The following CHRDL1 variants were observed in gnomAD, a reference collection of about 807,000 sequenced individuals.
The protein encoded by CHRDL1 is chordin-like protein 1.
CHRDL1 carries 19 observed loss-of-function variants against 40.9 expected under a neutral mutation model. The ratio of observed to expected loss-of-function variants is 0.46; its 90% confidence interval spans 0.32 to 0.68. CHRDL1 has a LOEUF of 0.68. Among genes scored for constraint, CHRDL1 ranks in the 30% least tolerant of loss-of-function variants. The probability of loss-of-function intolerance (pLI) is 0.03; values close to 1 mark genes in which losing one functional copy is unlikely to be tolerated. For missense variants in CHRDL1, 329 were observed against 352.1 expected (o/e 0.93, Z 0.53); for synonymous variants, 136 against 123.4 (o/e 1.10, Z -0.68).
intron 2 of CHRDL1, among the ~76,000 whole-genome samples, chrX:110,778,022 C>T (rs749589426): frequency 2.7e-5 from 3 of 110,850 alleles, no homozygotes; most frequent in Non-Finnish European, 3.8e-5. Flanking sequence ...CTATTCAATA[C>T]GTAGTGTTAG....
At chrX:110,724,519 G>T (rs1169104899) in intron 4 of CHRDL1, among the ~76,000 whole-genome samples, 4 of 108,978 alleles carry the variant, frequency 3.7e-5, no homozygotes, top group Non-Finnish European at 5.7e-5. Flanking sequence ...TTTCATTCTT[G>T]CAACACCCTT....
intron 9 of CHRDL1, among the ~76,000 whole-genome samples, chrX:110,685,114 GA>G (rs1179033934): frequency 8.9e-6 from 1 of 112,063 alleles, no homozygotes; most frequent in Non-Finnish European, 1.9e-5. Flanking sequence ...ATTTACTATA[GA>G]AAATTTGGAA....
chrX:110,739,044 T>C (rs1364139696), intron 4 of CHRDL1, among the ~76,000 whole-genome samples: 1 of 111,974 alleles, frequency 8.9e-6, no homozygotes, highest in Non-Finnish European at 1.9e-5. Context: ...CTTACATATC[T>C]GTCCAGAGGC....
chrX:110,694,603 G>A (rs1271187242), intron 7 of CHRDL1, among the ~76,000 whole-genome samples: 1 of 111,894 alleles, frequency 8.9e-6, no homozygotes, highest in Admixed American at 9.5e-5. Flanking sequence ...ACTTCTCAGG[G>A]AGAAAAGAGC....
At chrX:110,763,789 C>T (rs1207332301) in intron 2 of CHRDL1, among the ~76,000 whole-genome samples, 1 of 111,591 alleles carries the variant, frequency 9.0e-6, no homozygotes, top group Non-Finnish European at 1.9e-5. Context: ...GGTAGTTCTA[C>T]TTTTAATTAT....
At chrX:110,696,961 G>A (rs1330033180) in intron 7 of CHRDL1, among the ~76,000 whole-genome samples, 1 of 110,833 alleles carries the variant, frequency 9.0e-6, no homozygotes, top group Non-Finnish European at 1.9e-5. Context: ...AGAGACTTAT[G>A]AGGGGCCATT....
At chrX:110,752,588 A>G (rs748295844) in intron 4 of CHRDL1, among the ~76,000 whole-genome samples, 1 of 111,052 alleles carries the variant, frequency 9.0e-6, no homozygotes, top group Non-Finnish European at 1.9e-5. Context: ...AAAGCAAAAT[A>G]TCTGCTATTC....
intron 6 of CHRDL1, among the ~76,000 whole-genome samples, chrX:110,705,964 T>A (rs2070630051): frequency 9.0e-6 from 1 of 110,735 alleles, no homozygotes; most frequent in African/African-American, 3.3e-5. Flanking sequence ...TGCTAAACGT[T>A]TTAACATTTG....
At chrX:110,730,999 T>G (rs1314611027) in intron 4 of CHRDL1, among the ~76,000 whole-genome samples, 2 of 111,635 alleles carry the variant, frequency 1.8e-5, no homozygotes, top group Non-Finnish European at 3.8e-5. Flanking sequence ...ACTTGATTAC[T>G]TCTGCACTTG....
At chrX:110,686,044 G>A (rs977103350) in intron 9 of CHRDL1, among the ~76,000 whole-genome samples, 12 of 109,378 alleles carry the variant, frequency 1.1e-4, no homozygotes, top group African/African-American at 4.0e-4. Context: ...GGAGGTACGT[G>A]CCACCATACC....
intron 6 of CHRDL1, among the ~76,000 whole-genome samples, chrX:110,703,585 C>T (rs991333800): frequency 3.6e-5 from 4 of 111,665 alleles, no homozygotes; most frequent in Non-Finnish European, 7.5e-5. Context: ...GGCTCTTGCC[C>T]TCAGGATATT....
chrX:110,773,140 C>G (rs752485821), intron 2 of CHRDL1, among the ~76,000 whole-genome samples: 1 of 111,996 alleles, frequency 8.9e-6, no homozygotes, highest in Non-Finnish European at 1.9e-5. Flanking sequence ...ATTTACTCTT[C>G]TTTTTCTAGC....
chrX:110,723,983 T>C (rs982068533), intron 4 of CHRDL1, among the ~76,000 whole-genome samples: 2 of 112,456 alleles, frequency 1.8e-5, no homozygotes, highest in African/African-American at 6.5e-5. Flanking sequence ...GCCCTGCCCC[T>C]GCCCACAAGC....
intron 1 of CHRDL1, among the ~76,000 whole-genome samples, chrX:110,792,840 C>T (rs745975079): frequency 8.9e-6 from 1 of 112,261 alleles, no homozygotes; most frequent in Non-Finnish European, 1.9e-5. Flanking sequence ...ATTCCTCCCC[C>T]AAGAAGTCCA....
chrX:110,770,041 C>A (rs1005568971), intron 2 of CHRDL1, among the ~76,000 whole-genome samples: 7 of 112,237 alleles, frequency 6.2e-5, no homozygotes, highest in African/African-American at 1.9e-4. Context: ...ATTTTTCAAA[C>A]CTTTCTTTAC....
At position 110,676,041 on chromosome X, in the gene CHRDL1, T is replaced by C. The variant is rs2069770078; in HGVS notation, c.*190A>G. The C allele has an allele frequency of 5.4e-6, 2 of 372,083 alleles. No homozygotes were observed. The highest frequency in any genetic ancestry group is 9.3e-6 in the Non-Finnish European group (2 of 215,645). 30.7% of individuals were successfully genotyped at this position (372,083 alleles called of 1,213,427 possible). On this transcript the variant is annotated 3_prime_UTR_variant, in exon 12 of 12. Coordinates refer to ENST00000372042, the MANE Select transcript of CHRDL1 (RefSeq NM_001143981.2). ...ATAATTTAAGACTCTTCTAGTCTCT[T>C]TGGAGGAGATGTTCAAGGGCTGACA... is the stretch of plus-strand genomic sequence containing the variant.
At chrX:110,752,756 TA>T (rs961763700) in intron 4 of CHRDL1, among the ~76,000 whole-genome samples, 6 of 111,094 alleles carry the variant, frequency 5.4e-5, no homozygotes, top group Admixed American at 9.6e-5. Flanking sequence ...GTAGTCACCT[TA>T]CTAGGGAAAA....
At chrX:110,756,615 G>A (rs1039239227) in intron 4 of CHRDL1, among the ~76,000 whole-genome samples, 4 of 111,354 alleles carry the variant, frequency 3.6e-5, no homozygotes, top group Non-Finnish European at 7.5e-5. Context: ...ATTAATATAT[G>A]ACCTGGTTTA....
rs1176810637 is a variant in CHRDL1 at position 110,674,657 on chromosome X, T to C, written c.*1574A>G. On this transcript the variant is annotated 3_prime_UTR_variant, in exon 12 of 12. Transcript: ENST00000372042. ...TAAGAATTGACTCCTTTATGCCAGGTTGTCATAAAGACTGAACATTTTACA... is the reference window on the plus strand; with the variant it reads ...TAAGAATTGACTCCTTTATGCCAGGCTGTCATAAAGACTGAACATTTTACA... The C allele has an allele frequency of 8.9e-6, 1 of 112,367 alleles. No individual in the cohort carries two copies. The highest frequency in any genetic ancestry group is 1.9e-5 in the Non-Finnish European group (1 of 53,263). 9.3% of individuals were successfully genotyped at this position (112,367 alleles called of 1,213,427 possible).
Sources: gnomAD v4.1 joint callset for allele counts (sites outside exome capture counted in the v4.1 genomes callset) on GRCh38, gnomAD v4.1.1 for gene constraint, MANE v1.5 for transcripts, NCBI Gene and HGNC (gene_info 2026-07-23, HGNC 2026-07-21) for gene names.